CCSER1: variants seen among roughly 807,000 people sequenced by gnomAD.
CCSER1 encodes serine-rich coiled-coil domain-containing protein 1.
A neutral mutation model predicts 82.0 loss-of-function variants in CCSER1; 41 were observed. The observed-to-expected ratio is 0.50, with a 90% confidence interval of 0.39 to 0.65. The LOEUF (loss-of-function observed/expected upper bound fraction) is 0.65, where lower values mean the gene tolerates loss of function less well. Ranked by LOEUF, CCSER1 falls within the 30% of genes least tolerant of loss-of-function variation. The pLI, the probability that CCSER1 is intolerant of heterozygous loss-of-function variation, is 0.00. For synonymous variants in CCSER1, 414 were observed against 383.9 expected, an observed-to-expected ratio of 1.08 and a Z score of -0.92; for missense variants, 1,119 against 1,064.2, an observed-to-expected ratio of 1.05 and a Z score of -0.72.
At chr4:91,005,495 C>T (rs113502953) in intron 9 of CCSER1, among the ~76,000 whole-genome samples, 24 of 152,096 alleles carry the variant, frequency 1.6e-4, no homozygotes, top group African/African-American at 4.8e-4. Context: ...ACACTAAAAG[C>T]ACCCCTATGC....
chr4:91,026,664 A>G (rs528000888), intron 9 of CCSER1, among the ~76,000 whole-genome samples: 5 of 152,188 alleles, frequency 3.3e-5, no homozygotes, highest in Non-Finnish European at 7.4e-5. Context: ...TAGCAAGTTG[A>G]ACTGATCTGA....
At chr4:91,074,522 GGAAT>G (rs1311971797) in intron 9 of CCSER1, among the ~76,000 whole-genome samples, 1 of 152,136 alleles carries the variant, frequency 6.6e-6, no homozygotes, top group African/African-American at 2.4e-5. Flanking sequence ...AAATGGTTAA[GGAAT>G]GCTCTAGAAG....
chr4:90,856,437 A>C (rs771456241), intron 8 of CCSER1, among the ~76,000 whole-genome samples: 4 of 152,178 alleles, frequency 2.6e-5, no homozygotes, highest in Admixed American at 2.6e-4. Context: ...TCACTTAAAG[A>C]ATATATAAAG....
chr4:91,058,462 G>A (rs1254764162), intron 9 of CCSER1, among the ~76,000 whole-genome samples: 1 of 152,032 alleles, frequency 6.6e-6, no homozygotes, highest in Non-Finnish European at 1.5e-5. Context: ...TAGCTACCAT[G>A]GTCTGGCACT....
At chr4:91,150,233 G>C (rs1026327178) in intron 10 of CCSER1, among the ~76,000 whole-genome samples, 1 of 152,024 alleles carries the variant, frequency 6.6e-6, no homozygotes, top group Non-Finnish European at 1.5e-5. Flanking sequence ...TTTATTCTCT[G>C]TGAAGAAATT....
At chr4:91,298,184 A>G (rs1231084207) in intron 10 of CCSER1, among the ~76,000 whole-genome samples, 1 of 152,092 alleles carries the variant, frequency 6.6e-6, no homozygotes, top group Non-Finnish European at 1.5e-5. Context: ...AAAGTGGATC[A>G]GTCAGATTTC....
At chr4:90,931,912 A>C (rs1022134187) in intron 9 of CCSER1, among the ~76,000 whole-genome samples, 1 of 152,210 alleles carries the variant, frequency 6.6e-6, no homozygotes, top group African/African-American at 2.4e-5. Context: ...TGAAATGTTT[A>C]CATTAATAGT....
chr4:91,278,007 T>C (rs1257188267), intron 10 of CCSER1, among the ~76,000 whole-genome samples: 1 of 152,122 alleles, frequency 6.6e-6, no homozygotes, highest in Non-Finnish European at 1.5e-5. Context: ...CCTATAGTTA[T>C]TGATTTCTAG....
intron 7 of CCSER1, among the ~76,000 whole-genome samples, chr4:90,733,831 T>C (rs1745184312): frequency 6.6e-6 from 1 of 152,124 alleles, no homozygotes; most frequent in African/African-American, 2.4e-5. Flanking sequence ...ATGAGTTTTC[T>C]GTATATGTAT....
chr4:90,525,153 C>CAAT (rs1773599168), intron 5 of CCSER1, among the ~76,000 whole-genome samples: 1 of 151,824 alleles, frequency 6.6e-6, no homozygotes, highest in South Asian at 2.1e-4. Flanking sequence ...AGGCAAAAAT[C>CAAT]AATAGTTTCA....
intron 3 of CCSER1, among the ~76,000 whole-genome samples, chr4:90,388,653 G>T (rs1204102472): frequency 7.2e-6 from 1 of 139,814 alleles, no homozygotes; most frequent in Non-Finnish European, 1.5e-5. Context: ...TTTTTTTTTT[G>T]AGACGAAGTC....
intron 10 of CCSER1, among the ~76,000 whole-genome samples, chr4:91,094,268 G>A (rs1042549016): frequency 2.0e-5 from 3 of 152,168 alleles, no homozygotes; most frequent in Admixed American, 2.0e-4. Context: ...GGGAAGCCGA[G>A]TCCAAGTGTA....
chr4:90,292,675 A>T (rs529134343), intron 1 of CCSER1, among the ~76,000 whole-genome samples: 1 of 151,028 alleles, frequency 6.6e-6, no homozygotes, highest in South Asian at 2.1e-4. Flanking sequence ...GCACTTACTT[A>T]AAAAAAAAGC....
At chr4:91,149,446 G>A (rs923484227) in intron 10 of CCSER1, among the ~76,000 whole-genome samples, 18 of 152,138 alleles carry the variant, frequency 1.2e-4, no homozygotes, top group African/African-American at 3.1e-4. Flanking sequence ...CACTCTGATG[G>A]TAGTTTCTTT....
chr4:91,398,703 TG>T (rs1226887734), intron 10 of CCSER1, among the ~76,000 whole-genome samples: 2 of 151,848 alleles, frequency 1.3e-5, no homozygotes, highest in Non-Finnish European at 2.9e-5. Flanking sequence ...AACGAAGTTC[TG>T]GTCTCTAAAG....
chr4:90,687,592 C>T (rs2149212954), intron 6 of CCSER1, among the ~76,000 whole-genome samples: 1 of 152,248 alleles, frequency 6.6e-6, no homozygotes, highest in Non-Finnish European at 1.5e-5. Context: ...AGAAGTGCTT[C>T]CTTTTCATCC....
intron 7 of CCSER1, among the ~76,000 whole-genome samples, chr4:90,763,202 AGG>A (rs1750664209): frequency 1.3e-5 from 2 of 152,028 alleles, no homozygotes. Context: ...AATACAAGCT[AGG>A]GAACCCACTA....
At chr4:90,332,661 CCTT>C (rs1262099369) in intron 3 of CCSER1, among the ~76,000 whole-genome samples, 1 of 152,128 alleles carries the variant, frequency 6.6e-6, no homozygotes, top group Non-Finnish European at 1.5e-5. Context: ...CTTTCTCTCT[CCTT>C]CTGTCTCTGT....
chr4:90,767,465 A>C (rs1247396343), intron 7 of CCSER1, among the ~76,000 whole-genome samples: 2 of 152,184 alleles, frequency 1.3e-5, no homozygotes, highest in African/African-American at 4.8e-5. Flanking sequence ...ATTGAATTCC[A>C]GGTTGCACAT....
Sources: allele counts gnomAD v4.1 joint callset (sites outside exome capture counted in the v4.1 genomes callset), GRCh38; gene constraint gnomAD v4.1.1; transcripts MANE v1.5; gene names NCBI Gene and HGNC (gene_info 2026-07-23, HGNC 2026-07-21).